The following KCNJ6 variants were observed in gnomAD, a reference collection of about 807,000 sequenced individuals.
KCNJ6 encodes potassium inwardly rectifying channel subfamily J member 6.
KCNJ6 carries 9 observed loss-of-function variants against 34.2 expected under a neutral mutation model. That is an observed-to-expected ratio of 0.26 (90% CI 0.16 to 0.46). The LOEUF (loss-of-function observed/expected upper bound fraction) is 0.46. Among genes scored for constraint, KCNJ6 ranks in the 20% least tolerant of loss-of-function variants. The pLI is 1.00. For synonymous variants in KCNJ6, 196 were observed against 207.1 expected, an observed-to-expected ratio of 0.95 and a Z score of 0.46; for missense variants, 236 against 531.3, an observed-to-expected ratio of 0.44 and a Z score of 5.46.
chr21:37,678,142 A>G (rs1229548411), intron 3 of KCNJ6, among the ~76,000 whole-genome samples: 1 of 152,160 alleles, frequency 6.6e-6, no homozygotes, highest in East Asian at 1.9e-4. Context: ...GAAGATTTCA[A>G]AGAGGATGGG....
chr21:37,780,861 A>G (rs1021847321), intron 2 of KCNJ6, among the ~76,000 whole-genome samples: 6 of 152,220 alleles, frequency 3.9e-5, no homozygotes, highest in African/African-American at 9.7e-5. Context: ...TAGCTACTGT[A>G]TACCCACAAA....
intron 1 of KCNJ6, among the ~76,000 whole-genome samples, chr21:37,914,557 C>T (rs2055884005): frequency 6.6e-6 from 1 of 152,244 alleles, no homozygotes; most frequent in Admixed American, 6.5e-5. Flanking sequence ...TTGCCTGGAG[C>T]CGGGAAAGTT....
intron 1 of KCNJ6, among the ~76,000 whole-genome samples, chr21:37,860,049 G>C (rs1441877164): frequency 1.3e-5 from 2 of 152,030 alleles, no homozygotes; most frequent in Non-Finnish European, 2.9e-5. Flanking sequence ...AGAGTAACAT[G>C]GCCCCAAGAC....
chr21:37,643,785 A>G (rs1312337708), intron 3 of KCNJ6, among the ~76,000 whole-genome samples: 3 of 152,228 alleles, frequency 2.0e-5, no homozygotes, highest in Non-Finnish European at 2.9e-5. Context: ...GTGAATAGAA[A>G]GGTCTCCTGA....
At chr21:37,878,200 G>T (rs1378666036) in intron 1 of KCNJ6, among the ~76,000 whole-genome samples, 1 of 151,678 alleles carries the variant, frequency 6.6e-6, no homozygotes, top group South Asian at 2.1e-4. Context: ...AAGCATAATT[G>T]AATTATTCCT....
chr21:37,882,977 G>A (rs2055717374), intron 1 of KCNJ6, among the ~76,000 whole-genome samples: 3 of 152,170 alleles, frequency 2.0e-5, no homozygotes. Flanking sequence ...CATGTGTGTG[G>A]ATGCATGTGT....
chr21:37,851,468 A>G (rs2055536929), intron 1 of KCNJ6, among the ~76,000 whole-genome samples: 1 of 152,218 alleles, frequency 6.6e-6, no homozygotes, highest in South Asian at 2.1e-4. Flanking sequence ...CTGGGGCTGG[A>G]GACTGAGGAA....
intron 2 of KCNJ6, among the ~76,000 whole-genome samples, chr21:37,733,278 T>C (rs528274149): frequency 2.0e-5 from 3 of 152,240 alleles, no homozygotes; most frequent in South Asian, 4.1e-4. Flanking sequence ...AAAAGGCCTA[T>C]GTTTTGCACT....
rs974537407 is a variant in KCNJ6 at position 37,882,955 on chromosome 21, T to C, written c.-28+32929A>G. On this transcript the variant is annotated intron_variant, in intron 1 of 3. Transcript: ENST00000609713. ...ACATTTGTGTGTGTGTGTGCACTCA[T>C]GAGTGATAGTGCATGTGTGTGGATG... Among the ~76,000 whole-genome samples the C allele has an allele frequency of 3.3e-5, 5 of 152,212 alleles. No homozygotes were observed. In the South Asian group the frequency reaches 6.2e-4, roughly 19 times the overall value.
intron 2 of KCNJ6, among the ~76,000 whole-genome samples, chr21:37,803,723 T>G (rs2055280493): frequency 6.6e-6 from 1 of 152,106 alleles, no homozygotes; most frequent in African/African-American, 2.4e-5. Context: ...CCTATTTGCT[T>G]CAAATTAAAA....
At chr21:37,795,153 T>C (rs2055235123) in intron 2 of KCNJ6, among the ~76,000 whole-genome samples, 1 of 152,210 alleles carries the variant, frequency 6.6e-6, no homozygotes, top group Non-Finnish European at 1.5e-5. Context: ...ATACTTAGCC[T>C]AAACTAAAGA....
At chr21:37,716,120 T>C (rs1601434404) in intron 2 of KCNJ6, among the ~76,000 whole-genome samples, 1 of 152,208 alleles carries the variant, frequency 6.6e-6, no homozygotes, top group Non-Finnish European at 1.5e-5. Flanking sequence ...ACTTTCCTTA[T>C]GTTTAGGGCA....
chr21:37,809,784 T>C (rs1489509204), intron 2 of KCNJ6, among the ~76,000 whole-genome samples: 1 of 152,202 alleles, frequency 6.6e-6, no homozygotes, highest in Non-Finnish European at 1.5e-5. Flanking sequence ...CTTCTGGGCC[T>C]GATTCATTTG....
intron 3 of KCNJ6, among the ~76,000 whole-genome samples, chr21:37,667,692 G>A (rs937308566): frequency 2.2e-4 from 33 of 151,964 alleles, no homozygotes; most frequent in Non-Finnish European, 4.1e-4. Context: ...CTCCGGGGTC[G>A]GCACTGCAGG....
At chr21:37,863,975 T>C (rs957025006) in intron 1 of KCNJ6, among the ~76,000 whole-genome samples, 4 of 147,640 alleles carry the variant, frequency 2.7e-5, no homozygotes, top group African/African-American at 1.0e-4. Context: ...CATATGAAAA[T>C]ATCAGCTTTT....
intron 1 of KCNJ6, among the ~76,000 whole-genome samples, chr21:37,870,929 T>G (rs1228199588): frequency 1.3e-5 from 2 of 152,224 alleles, no homozygotes; most frequent in Non-Finnish European, 2.9e-5. Flanking sequence ...TTTGTGCATC[T>G]TACAGACTCA....
intron 2 of KCNJ6, among the ~76,000 whole-genome samples, chr21:37,725,794 G>A: frequency 6.6e-6 from 1 of 152,200 alleles, no homozygotes; most frequent in East Asian, 1.9e-4. Flanking sequence ...ACATACTGCT[G>A]CAGATATAAT....
intron 3 of KCNJ6, among the ~76,000 whole-genome samples, chr21:37,654,889 C>T (rs1056271088): frequency 7.3e-5 from 11 of 151,630 alleles, no homozygotes; most frequent in Non-Finnish European, 1.3e-4. Flanking sequence ...CTCAGCCAAT[C>T]GGCATGGACA....
At chr21:37,795,790 T>A (rs1216462689) in intron 2 of KCNJ6, among the ~76,000 whole-genome samples, 2 of 151,116 alleles carry the variant, frequency 1.3e-5, no homozygotes, top group African/African-American at 4.9e-5. Flanking sequence ...ACATTTTTTC[T>A]GAGGGTTAAA....
Sources: allele counts gnomAD v4.1 joint callset (sites outside exome capture counted in the v4.1 genomes callset), GRCh38; gene constraint gnomAD v4.1.1; transcripts MANE v1.5; gene names NCBI Gene and HGNC (gene_info 2026-07-23, HGNC 2026-07-21).